Variants in SYCP1 observed in about 807,000 individuals in gnomAD.
SYCP1 encodes the protein synaptonemal complex protein 1.
SYCP1 carries 64 observed loss-of-function variants against 153.1 expected under a neutral mutation model. That is an observed-to-expected ratio of 0.42 (90% CI 0.34 to 0.51). SYCP1 has a LOEUF of 0.51. Ranked by LOEUF, SYCP1 falls within the 20% of genes least tolerant of loss-of-function variation. SYCP1 has a pLI of 0.06. For synonymous variants in SYCP1, 384 were observed against 341.8 expected, an observed-to-expected ratio of 1.12 and a Z score of -1.36; for missense variants, 997 against 1,049.0, an observed-to-expected ratio of 0.95 and a Z score of 0.68.
intron 27 of SYCP1, among the ~76,000 whole-genome samples, chr1:114,957,985 C>T (rs1394859350): frequency 6.6e-6 from 1 of 152,150 alleles, no homozygotes; most frequent in Non-Finnish European, 1.5e-5. Flanking sequence ...TCTAAATTCC[C>T]ATGTTTACTG....
At chr1:114,892,822 G>C (rs1458745154) in intron 15 of SYCP1, among the ~76,000 whole-genome samples, 3 of 152,004 alleles carry the variant, frequency 2.0e-5, no homozygotes, top group African/African-American at 7.3e-5. Context: ...TGTCAGTGGG[G>C]CTCCAGGGAT....
chr1:114,857,390 T>G (rs570011639), intron 4 of SYCP1, 54 bp from the exon 5 acceptor site: 246 of 1,535,010 alleles, frequency 1.6e-4, no homozygotes, highest in Middle Eastern at 9.0e-4. Flanking sequence ...TAATTGTTAT[T>G]ATTTAGAAGC....
At chr1:114,921,523 A>G (rs2101718304) in intron 20 of SYCP1, among the ~76,000 whole-genome samples, 1 of 152,046 alleles carries the variant, frequency 6.6e-6, no homozygotes, top group South Asian at 2.1e-4. Context: ...TACTAAAAAT[A>G]GAAAAATTAG....
chr1:114,938,921 G>A (rs1053591380), intron 23 of SYCP1, among the ~76,000 whole-genome samples: 2 of 152,130 alleles, frequency 1.3e-5, no homozygotes, highest in Non-Finnish European at 2.9e-5. Flanking sequence ...ATGTTAATGA[G>A]GTTGTGGAGA....
intron 20 of SYCP1, among the ~76,000 whole-genome samples, chr1:114,917,409 A>C (rs1668576311): frequency 6.6e-6 from 1 of 152,178 alleles, no homozygotes; most frequent in African/African-American, 2.4e-5. Flanking sequence ...ACACTTACAT[A>C]GCTTCCAAAT....
intron 6 of SYCP1, 137 bp downstream of exon 6, chr1:114,858,848 G>A: frequency 2.6e-6 from 2 of 764,608 alleles, no homozygotes; most frequent in South Asian, 2.3e-5. Context: ...CTTTTTAAAA[G>A]TTACATCAAT....
chr1:114,967,060 T>C (rs1672175204), intron 27 of SYCP1, among the ~76,000 whole-genome samples: 1 of 152,176 alleles, frequency 6.6e-6, no homozygotes, highest in African/African-American at 2.4e-5. Flanking sequence ...TGATTTCCGT[T>C]CTTTTGCATT....
intron 30 of SYCP1, among the ~76,000 whole-genome samples, chr1:114,985,621 G>A (rs1673447886): frequency 6.6e-6 from 1 of 151,618 alleles, no homozygotes; most frequent in Non-Finnish European, 1.5e-5. Context: ...CTACTACTTT[G>A]GGACCTTCTA....
At chr1:114,924,490 A>G (rs916893134) in intron 21 of SYCP1, among the ~76,000 whole-genome samples, 1 of 152,168 alleles carries the variant, frequency 6.6e-6, no homozygotes, top group African/African-American at 2.4e-5. Flanking sequence ...AAGGACATCT[A>G]ATCCAAACTT....
intron 23 of SYCP1, among the ~76,000 whole-genome samples, chr1:114,929,012 T>A (rs1669447273): frequency 6.6e-6 from 1 of 152,118 alleles, no homozygotes; most frequent in African/African-American, 2.4e-5. Context: ...ACAGCCAACT[T>A]TTCATTGTGT....
chr1:114,887,319 C>G (rs1444928477), intron 14 of SYCP1, among the ~76,000 whole-genome samples: 1 of 151,986 alleles, frequency 6.6e-6, no homozygotes, highest in African/African-American at 2.4e-5. Context: ...TACTCAATTT[C>G]TTTCAGAGTT....
In SYCP1 at chr1:114,983,746, C is replaced by A. The variant is rs138180414; in HGVS notation, c.2560-979C>A. On this transcript the variant is annotated intron_variant, in intron 29 of 31. Transcript: ENST00000369522. ...TTTATTTTTTTAAAGAATAAGCACT[C>A]TCCAGGTGGCTGCAAGCCTTTGGTT... Among the ~76,000 whole-genome samples, 400 of 152,042 alleles carry A rather than the reference C, an allele frequency of 2.6e-3. 5 individuals carry two copies. The highest frequency in any genetic ancestry group is 9.2e-3 in the African/African-American group (383 of 41,502).
rs112632621 is a variant in SYCP1, at chr1:114,886,304, G to A, written c.1185G>A (p.Gln395=). The A allele has an allele frequency of 2.1e-3, 3,247 of 1,527,138 alleles. 68 individuals carry two copies. The African/African-American group carries it at 0.041, about 19-fold the overall frequency. The allele number at this position is 1,527,138 out of a possible 1,614,324, so 94.6% of individuals were successfully genotyped here. Residue 395 remains glutamine, a synonymous_variant, in exon 14 of 32, where the codon CAG becomes CAA. Coordinates refer to ENST00000369522, the MANE Select transcript of SYCP1 (RefSeq NM_003176.4). Reference sequence around the variant, plus strand: ...TGGAAGAATTATTGAGAACAGAACAGCAAAGGTAAAATATTTATTATTTTT... The same window carrying A: ...TGGAAGAATTATTGAGAACAGAACAACAAAGGTAAAATATTTATTATTTTT... ...CSLEELLRTE[Q]QRLEKNEDQL...
At chr1:114,895,426 A>ATTTT in intron 15 of SYCP1, 22 bp from the exon 16 acceptor site, 2 of 1,272,950 alleles carry the variant, frequency 1.6e-6, no homozygotes, top group South Asian at 1.5e-5. Flanking sequence ...TTTTTAACAC[A>ATTTT]TTTTTTTTTT....
chr1:114,939,617 G>A (rs572812686), intron 23 of SYCP1, among the ~76,000 whole-genome samples: 1 of 152,252 alleles, frequency 6.6e-6, no homozygotes, highest in South Asian at 2.1e-4. Context: ...AAAGAACAAT[G>A]GTTGCCTCAG....
chr1:114,868,871 T>A (rs897957297), intron 8 of SYCP1, among the ~76,000 whole-genome samples: 58 of 152,212 alleles, frequency 3.8e-4, no homozygotes, highest in African/African-American at 1.4e-3. Flanking sequence ...TTAACATCCA[T>A]GAGGTTTGTA....
intron 16 of SYCP1, among the ~76,000 whole-genome samples, chr1:114,906,657 T>A (rs556636100): frequency 3.2e-4 from 48 of 152,298 alleles, no homozygotes; most frequent in Non-Finnish European, 6.5e-4. Flanking sequence ...TTTGGAGAAT[T>A]TCCTGTTATT....
At chr1:114,874,398 T>C in intron 8 of SYCP1, 108 bp from the exon 9 acceptor site, 1 of 670,504 alleles carries the variant, frequency 1.5e-6, no homozygotes, top group Non-Finnish European at 2.5e-6. Context: ...ATGTTCATCA[T>C]TAACACAGAA....
At chr1:114,881,501 A>ATCCTTCCT (rs71093615) in intron 12 of SYCP1, among the ~76,000 whole-genome samples, 3,608 of 102,716 alleles carry the variant, frequency 0.035, 102 homozygotes, top group East Asian at 0.06. Context: ...GGAAGGTATT[A>ATCCTTCCT]TCCTTCCTTC....
Sources: allele counts gnomAD v4.1 joint callset (sites outside exome capture counted in the v4.1 genomes callset), GRCh38; gene constraint gnomAD v4.1.1; transcripts MANE v1.5; gene names NCBI Gene and HGNC (gene_info 2026-07-23, HGNC 2026-07-21).